The following PLCB1 variants were observed in gnomAD, a reference collection of about 807,000 sequenced individuals.
PLCB1 encodes the protein 1-phosphatidylinositol 4,5-bisphosphate phosphodiesterase beta-1.
A neutral mutation model predicts 161.8 loss-of-function variants in PLCB1; 46 were observed. The ratio of observed to expected loss-of-function variants is 0.28; its 90% CI spans 0.22 to 0.36. PLCB1 has a LOEUF of 0.36. Ranked by LOEUF, PLCB1 falls within the 10% of genes least tolerant of loss-of-function variation. The pLI, the probability that PLCB1 is intolerant of heterozygous loss-of-function variation, is 1.00. For synonymous variants in PLCB1, 517 were observed against 503.7 expected (o/e 1.03, Z -0.35); for missense variants, 1,016 against 1,472.5 (o/e 0.69, Z 5.07).
intron 23 of PLCB1, among the ~76,000 whole-genome samples, chr20:8,752,664 A>G (rs1981541050): frequency 6.6e-6 from 1 of 151,848 alleles, no homozygotes. Flanking sequence ...ATGGTGGTGC[A>G]TGCCTGTAAT....
At chr20:8,418,878 G>A (rs2122538310) in intron 3 of PLCB1, among the ~76,000 whole-genome samples, 1 of 152,216 alleles carries the variant, frequency 6.6e-6, no homozygotes, top group Non-Finnish European at 1.5e-5. Context: ...CAATGCTTCT[G>A]ATACCCCATT....
intron 4 of PLCB1, among the ~76,000 whole-genome samples, chr20:8,639,122 G>C (rs1333902676): frequency 6.6e-6 from 1 of 152,168 alleles, no homozygotes; most frequent in Non-Finnish European, 1.5e-5. Flanking sequence ...TTGAAGATAT[G>C]TTGCAAAGGT....
chr20:8,320,186 GTGT>G (rs1023130045), intron 2 of PLCB1, among the ~76,000 whole-genome samples: 3 of 151,960 alleles, frequency 2.0e-5, no homozygotes, highest in Non-Finnish European at 2.9e-5. Flanking sequence ...TGTTGTTATT[GTGT>G]TGTTGTTAAT....
chr20:8,341,063 A>G (rs1985791152), intron 2 of PLCB1, among the ~76,000 whole-genome samples: 1 of 152,086 alleles, frequency 6.6e-6, no homozygotes, highest in African/African-American at 2.4e-5. Context: ...TCACAAGCCT[A>G]CATGTGGACC....
At chr20:8,591,515 C>T (rs578007441) in intron 3 of PLCB1, among the ~76,000 whole-genome samples, 2 of 152,224 alleles carry the variant, frequency 1.3e-5, no homozygotes, top group African/African-American at 4.8e-5. Context: ...AACTGACTTC[C>T]TATGGTACAA....
chr20:8,696,668 T>G (rs539080635), intron 10 of PLCB1, among the ~76,000 whole-genome samples: 1 of 152,300 alleles, frequency 6.6e-6, no homozygotes, highest in East Asian at 1.9e-4. Flanking sequence ...TTTAGTTTCT[T>G]TCAACAACAT....
At chr20:8,460,567 G>A (rs1364268104) in intron 3 of PLCB1, among the ~76,000 whole-genome samples, 2 of 152,216 alleles carry the variant, frequency 1.3e-5, no homozygotes, top group African/African-American at 4.8e-5. Flanking sequence ...TCTGTGTGAT[G>A]CCTGGCATAT....
chr20:8,568,214 G>A (rs1600158884), intron 3 of PLCB1, among the ~76,000 whole-genome samples: 1 of 152,242 alleles, frequency 6.6e-6, no homozygotes, highest in East Asian at 1.9e-4. Context: ...TGTGGTTACT[G>A]GAAAACTTTA....
At chr20:8,782,838 G>A (rs529595206) in intron 27 of PLCB1, among the ~76,000 whole-genome samples, 2 of 152,330 alleles carry the variant, frequency 1.3e-5, no homozygotes, top group East Asian at 1.9e-4. Context: ...TGTTGAGCCC[G>A]AAATATGAAT....
chr20:8,361,407 A>G (rs1986537960), intron 2 of PLCB1, among the ~76,000 whole-genome samples: 1 of 152,164 alleles, frequency 6.6e-6, no homozygotes, highest in South Asian at 2.1e-4. Context: ...TTCATTTAAT[A>G]TCTAGGGCAG....
intron 3 of PLCB1, among the ~76,000 whole-genome samples, chr20:8,577,385 C>G (rs2123068187): frequency 6.7e-6 from 1 of 149,904 alleles, no homozygotes; most frequent in East Asian, 2.0e-4. Flanking sequence ...TTGCAGTGAG[C>G]CGAGGTCGTG....
intron 9 of PLCB1, among the ~76,000 whole-genome samples, chr20:8,681,566 A>G (rs901094336): frequency 6.6e-6 from 1 of 152,150 alleles, no homozygotes; most frequent in Non-Finnish European, 1.5e-5. Context: ...TTTTATTGCT[A>G]TGATATGCAT....
intron 9 of PLCB1, among the ~76,000 whole-genome samples, chr20:8,680,969 T>C (rs1299014857): frequency 6.6e-6 from 1 of 150,790 alleles, no homozygotes; most frequent in Non-Finnish European, 1.5e-5. Context: ...GTTTATTTGC[T>C]TGGTTTTTGT....
chr20:8,324,320 T>G (rs1192168648), intron 2 of PLCB1, among the ~76,000 whole-genome samples: 6 of 152,076 alleles, frequency 3.9e-5, no homozygotes, highest in African/African-American at 7.2e-5. Context: ...GTATTCAGTT[T>G]TGATATTTTC....
chr20:8,477,334 G>A (rs879225238), intron 3 of PLCB1, among the ~76,000 whole-genome samples: 4 of 152,188 alleles, frequency 2.6e-5, no homozygotes, highest in Admixed American at 6.5e-5. Flanking sequence ...CTATCTAATC[G>A]TTTGGATGTC....
intron 3 of PLCB1, among the ~76,000 whole-genome samples, chr20:8,454,979 GATGA>G (rs563600438): frequency 2.0e-5 from 3 of 150,130 alleles, no homozygotes; most frequent in Non-Finnish European, 4.4e-5. Flanking sequence ...TATAAGGATG[GATGA>G]ATGAATGAAT....
At chr20:8,545,421 C>T (rs530333796) in intron 3 of PLCB1, among the ~76,000 whole-genome samples, 21 of 152,236 alleles carry the variant, frequency 1.4e-4, no homozygotes, top group South Asian at 4.2e-4. Context: ...GCAGAAGCGT[C>T]GTATGACTCA....
intron 3 of PLCB1, among the ~76,000 whole-genome samples, chr20:8,453,918 G>T (rs1981181964): frequency 6.6e-6 from 1 of 152,148 alleles, no homozygotes; most frequent in South Asian, 2.1e-4. Context: ...AAGGTTAAAT[G>T]AGGTCATAAG....
chr20:8,446,341 T>A (rs1404725891), intron 3 of PLCB1, among the ~76,000 whole-genome samples: 1 of 152,206 alleles, frequency 6.6e-6, no homozygotes, highest in African/African-American at 2.4e-5. Context: ...AGAAAAGCCC[T>A]TTGACACAAT....
Sources: allele counts gnomAD v4.1 joint callset (sites outside exome capture counted in the v4.1 genomes callset), GRCh38; gene constraint gnomAD v4.1.1; transcripts MANE v1.5; gene names NCBI Gene and HGNC (gene_info 2026-07-23, HGNC 2026-07-21).